The following CCDC178 variants were observed in gnomAD, a reference collection of about 807,000 sequenced individuals.
The protein encoded by CCDC178 is coiled-coil domain containing 178.
A neutral mutation model predicts 117.4 loss-of-function variants in CCDC178; 126 were observed. The observed-to-expected ratio is 1.07, with a 90% CI of 0.93 to 1.24. CCDC178 has a LOEUF of 1.24. Among genes scored for constraint, CCDC178 ranks in the 50% most tolerant of loss-of-function variants. The pLI is 0.00. For synonymous variants in CCDC178, 283 were observed against 313.4 expected (o/e 0.90, Z 1.02); for missense variants, 1,030 against 986.9 (o/e 1.04, Z -0.59).
intron 22 of CCDC178, among the ~76,000 whole-genome samples, chr18:32,964,931 C>T (rs1481703146): frequency 6.6e-6 from 1 of 151,844 alleles, no homozygotes; most frequent in Non-Finnish European, 1.5e-5. Context: ...TTGTTTTTCT[C>T]ATTAGAACAG....
chr18:32,941,516 T>C (rs973084107), intron 22 of CCDC178, among the ~76,000 whole-genome samples: 1 of 152,140 alleles, frequency 6.6e-6, no homozygotes, highest in Non-Finnish European at 1.5e-5. Context: ...GTCCTAATAA[T>C]TTATTAGAGA....
intron 20 of CCDC178, among the ~76,000 whole-genome samples, chr18:33,171,210 C>T (rs1011091010): frequency 1.2e-4 from 18 of 152,122 alleles, no homozygotes; most frequent in Non-Finnish European, 1.9e-4. Context: ...AAGCAAATAA[C>T]GAGTATAAGC....
At chr18:33,241,564 C>T (rs1018098198) in intron 15 of CCDC178, among the ~76,000 whole-genome samples, 1 of 150,550 alleles carries the variant, frequency 6.6e-6, no homozygotes, top group Non-Finnish European at 1.5e-5. Context: ...CATTTTTATA[C>T]ATGAACAATG....
intron 20 of CCDC178, among the ~76,000 whole-genome samples, chr18:33,127,427 T>G (rs2058020800): frequency 6.6e-6 from 1 of 152,060 alleles, no homozygotes; most frequent in African/African-American, 2.4e-5. Context: ...TTTTAACTGA[T>G]CAGTTTTTTT....
intron 21 of CCDC178, among the ~76,000 whole-genome samples, chr18:33,027,046 A>G (rs2056244237): frequency 6.6e-6 from 1 of 151,922 alleles, no homozygotes; most frequent in Admixed American, 6.6e-5. Context: ...TGGGGATTCA[A>G]AATAATTGCA....
At chr18:33,011,708 A>G (rs2055868920) in intron 21 of CCDC178, among the ~76,000 whole-genome samples, 1 of 146,700 alleles carries the variant, frequency 6.8e-6, no homozygotes, top group Non-Finnish European at 1.5e-5. Flanking sequence ...GCAAAGAGAA[A>G]GCAGGAAGGG....
At chr18:33,184,115 G>A (rs2058762610) in intron 20 of CCDC178, among the ~76,000 whole-genome samples, 2 of 151,984 alleles carry the variant, frequency 1.3e-5, no homozygotes, top group South Asian at 4.1e-4. Flanking sequence ...GGAAAAAGAG[G>A]ATGTTTAGAT....
chr18:33,358,939 G>T (rs1045531102), intron 6 of CCDC178, among the ~76,000 whole-genome samples: 4 of 151,754 alleles, frequency 2.6e-5, no homozygotes, highest in African/African-American at 9.7e-5. Context: ...GCAGAGAAGA[G>T]AATAAAAATT....
intron 21 of CCDC178, among the ~76,000 whole-genome samples, chr18:33,054,469 T>C (rs569049761): frequency 2.9e-4 from 44 of 152,332 alleles, no homozygotes; most frequent in Non-Finnish European, 5.0e-4. Flanking sequence ...CCCCTACATG[T>C]GTCCACGTAT....
intron 11 of CCDC178, among the ~76,000 whole-genome samples, chr18:33,299,773 GAAA>G (rs71159813): frequency 9.2e-5 from 13 of 141,422 alleles, no homozygotes; most frequent in Non-Finnish European, 3.0e-5. Flanking sequence ...CATCTCAACA[GAAA>G]AAAAAAAAAC....
intron 9 of CCDC178, among the ~76,000 whole-genome samples, chr18:33,338,042 C>A (rs981219082): frequency 2.6e-5 from 4 of 151,994 alleles, no homozygotes; most frequent in Admixed American, 2.0e-4. Context: ...CTACAAAGAA[C>A]TCAAATCAGC....
intron 21 of CCDC178, among the ~76,000 whole-genome samples, chr18:33,041,668 A>G (rs1377615027): frequency 6.6e-6 from 1 of 151,628 alleles, no homozygotes; most frequent in Non-Finnish European, 1.5e-5. Flanking sequence ...TATTTCTTAA[A>G]TTGAGAAATT....
intron 21 of CCDC178, among the ~76,000 whole-genome samples, chr18:33,053,665 T>C (rs747029088): frequency 1.3e-5 from 2 of 152,046 alleles, no homozygotes; most frequent in South Asian, 2.1e-4. Context: ...CCTTCAGAGA[T>C]TGAAAAGTCG....
At chr18:33,420,946 T>C (rs2064016415) in intron 2 of CCDC178, among the ~76,000 whole-genome samples, 1 of 152,096 alleles carries the variant, frequency 6.6e-6, no homozygotes, top group Non-Finnish European at 1.5e-5. Flanking sequence ...AGAAAATATT[T>C]TGGACAATGA....
At chr18:33,205,998 G>A (rs1178002740) in intron 20 of CCDC178, among the ~76,000 whole-genome samples, 2 of 152,068 alleles carry the variant, frequency 1.3e-5, no homozygotes, top group East Asian at 1.9e-4. Flanking sequence ...CTGGCCCCCA[G>A]CCATGCAAAT....
At chr18:33,431,823 A>G (rs1285280702) in intron 2 of CCDC178, among the ~76,000 whole-genome samples, 3 of 152,204 alleles carry the variant, frequency 2.0e-5, no homozygotes, top group Admixed American at 2.0e-4. Context: ...ATATCATAAC[A>G]AGACTTTGTA....
intron 12 of CCDC178, 146 bp from the exon 13 acceptor site, chr18:33,267,443 A>G (rs978123617): frequency 1.4e-5 from 7 of 508,560 alleles, no homozygotes; most frequent in Admixed American, 3.8e-5. Flanking sequence ...ATCATAATTC[A>G]TCACATCAAC....
At chr18:33,006,816 G>C (rs1486830659) in intron 21 of CCDC178, among the ~76,000 whole-genome samples, 1 of 151,940 alleles carries the variant, frequency 6.6e-6, no homozygotes, top group African/African-American at 2.4e-5. Context: ...GAATTGTGAG[G>C]GTCTCTAGAA....
At chr18:33,160,385 G>C (rs2058448481) in intron 20 of CCDC178, among the ~76,000 whole-genome samples, 1 of 151,922 alleles carries the variant, frequency 6.6e-6, no homozygotes, top group African/African-American at 2.4e-5. Context: ...TAAATAATCT[G>C]TGTGATTCAA....
Sources: allele counts gnomAD v4.1 joint callset (sites outside exome capture counted in the v4.1 genomes callset), GRCh38; gene constraint gnomAD v4.1.1; transcripts MANE v1.5; gene names NCBI Gene and HGNC (gene_info 2026-07-23, HGNC 2026-07-21).